NCOR1: variants seen among roughly 807,000 people sequenced by gnomAD.
NCOR1 encodes nuclear receptor corepressor 1.
In NCOR1, 63 loss-of-function variants were observed where a neutral mutation model predicts 288.1. The observed-to-expected ratio is 0.22, with a 90% CI of 0.18 to 0.27. The LOEUF is 0.27. Ranked by LOEUF, NCOR1 falls within the 10% of genes least tolerant of loss-of-function variation. The pLI is 1.00. For synonymous variants in NCOR1, 1,007 were observed against 1,065.9 expected (o/e 0.94, Z 1.08); for missense variants, 2,397 against 3,019.2 (o/e 0.79, Z 4.83).
At chr17:16,155,843 C>A (rs1341280283) in intron 6 of NCOR1, among the ~76,000 whole-genome samples, 1 of 152,122 alleles carries the variant, frequency 6.6e-6, no homozygotes, top group African/African-American at 2.4e-5. Context: ...GCAGGGAGGG[C>A]CTTTCAAAAG....
At chr17:16,206,724 GT>G (rs2091555401) in intron 1 of NCOR1, among the ~76,000 whole-genome samples, 1 of 152,074 alleles carries the variant, frequency 6.6e-6, no homozygotes, top group Non-Finnish European at 1.5e-5. Context: ...GGGATATTAA[GT>G]TGCTGTTAAT....
chr17:16,181,092 G>C, intron 3 of NCOR1, among the ~76,000 whole-genome samples: 1 of 152,226 alleles, frequency 6.6e-6, no homozygotes, highest in African/African-American at 2.4e-5. Context: ...CCAGGAGGTG[G>C]AGGTTGCAGT....
At chr17:16,204,419 A>C (rs1009876764) in intron 1 of NCOR1, among the ~76,000 whole-genome samples, 6 of 152,228 alleles carry the variant, frequency 3.9e-5, no homozygotes, top group Non-Finnish European at 7.3e-5. Context: ...ATTAAATTAC[A>C]ACCTGGGGAC....
intron 37 of NCOR1, among the ~76,000 whole-genome samples, chr17:16,059,100 A>G (rs1014381678): frequency 1.3e-5 from 2 of 151,860 alleles, no homozygotes; most frequent in Non-Finnish European, 2.9e-5. Flanking sequence ...GCCCAATAAT[A>G]AACACTGGAA....
At chr17:16,062,854 T>TA (rs2060687629) in intron 35 of NCOR1, among the ~76,000 whole-genome samples, 2 of 152,202 alleles carry the variant, frequency 1.3e-5, no homozygotes, top group African/African-American at 4.8e-5. Flanking sequence ...CTCCCACAAT[T>TA]ACACTTCTAC....
At position 16,039,048 on chromosome 17, in the gene NCOR1, C is replaced by T. The variant is rs143030771; in HGVS notation, c.6955+385G>A. On this transcript the variant is annotated intron_variant, in intron 44 of 45. Coordinates refer to ENST00000268712, the MANE Select transcript of NCOR1 (RefSeq NM_006311.4). ...CCCCCCAAAGTGCTGGGATTACAGG[C>T]GTGAACCACCGCACCCGGCTGGCTT... 8.4e-3 allele frequency among the ~76,000 whole-genome samples: 1,281 copies of T among 152,322 alleles called. 17 individuals carry two copies. The highest frequency in any genetic ancestry group is 0.029 in the African/African-American group (1,210 of 41,562).
At chr17:16,164,349 A>G (rs1385341284) in intron 5 of NCOR1, among the ~76,000 whole-genome samples, 1 of 152,142 alleles carries the variant, frequency 6.6e-6, no homozygotes, top group Non-Finnish European at 1.5e-5. Context: ...TTCTATACAC[A>G]TATCTGACAA....
intron 3 of NCOR1, among the ~76,000 whole-genome samples, chr17:16,182,541 G>A (rs1421249668): frequency 1.3e-5 from 2 of 152,048 alleles, no homozygotes; most frequent in African/African-American, 4.8e-5. Flanking sequence ...TGCAAGCTCC[G>A]CCTCCCGGGT....
At chr17:16,177,418 C>T (rs944670775) in intron 3 of NCOR1, among the ~76,000 whole-genome samples, 2 of 150,362 alleles carry the variant, frequency 1.3e-5, no homozygotes, top group African/African-American at 2.5e-5. Context: ...GGAATATATT[C>T]GCCTCATTTG....
rs1971805730 is a variant in NCOR1, at chr17:16,030,208, A to C, written c.*2088T>G. On this transcript the variant is annotated 3_prime_UTR_variant, in exon 46 of 46. Coordinates refer to ENST00000268712, the MANE Select transcript of NCOR1 (RefSeq NM_006311.4). ...AGAGAAAATATATTTACTATTCATT[A>C]AGTGGAAGTGGATCATCATGAAGGT... The C allele has an allele frequency of 4.4e-6, 1 of 226,390 alleles. No homozygotes were observed. Among genetic ancestry groups the C allele is most frequent in the Non-Finnish European group, 8.6e-6 (1 of 115,850 alleles). 14.0% of individuals were successfully genotyped at this position (226,390 alleles called of 1,614,324 possible). A position where few individuals can be genotyped will look rare whatever the true frequency, so the allele number is the denominator to read the frequency against.
At chr17:16,167,106 G>A (rs2082163055) in intron 4 of NCOR1, among the ~76,000 whole-genome samples, 1 of 152,166 alleles carries the variant, frequency 6.6e-6, no homozygotes, top group African/African-American at 2.4e-5. Flanking sequence ...AATAGCAAAA[G>A]AGATTATATT....
intron 10 of NCOR1, among the ~76,000 whole-genome samples, chr17:16,145,155 C>T (rs1184169169): frequency 6.6e-6 from 1 of 152,262 alleles, no homozygotes; most frequent in Admixed American, 6.5e-5. Flanking sequence ...CCCACCTTGG[C>T]CTCCCAAAGT....
intron 2 of NCOR1, among the ~76,000 whole-genome samples, chr17:16,188,890 T>C (rs1297650860): frequency 6.6e-6 from 1 of 151,690 alleles, no homozygotes; most frequent in African/African-American, 2.4e-5. Flanking sequence ...CCAGGCATGG[T>C]GGCAGGCACA....
At chr17:16,094,785 T>A (rs1004698310) in intron 21 of NCOR1, among the ~76,000 whole-genome samples, 1 of 152,242 alleles carries the variant, frequency 6.6e-6, no homozygotes, top group Admixed American at 6.5e-5. Flanking sequence ...TGGGCTGGTC[T>A]CCAGCTCCTA....
chr17:16,149,542 T>C lies in NCOR1; in HGVS notation c.843-25A>G, dbSNP rs200666623. On this transcript the variant is annotated intron_variant, in intron 8 of 45. Coordinates refer to ENST00000268712, the MANE Select transcript of NCOR1 (RefSeq NM_006311.4). ...TCTAGAAGAGAAAAATATGGTTGCATGACATTAAGAAAAAGCACAATTTAA... is the reference window on the plus strand; with the variant it reads ...TCTAGAAGAGAAAAATATGGTTGCACGACATTAAGAAAAAGCACAATTTAA... The C allele has an allele frequency of 2.1e-5, 26 of 1,259,430 alleles. No homozygotes were observed. The East Asian group carries it at 4.6e-4, about 22-fold the overall frequency. The allele number at this position is 1,259,430 out of a possible 1,614,324, so 78.0% of individuals were successfully genotyped here. A position where few individuals can be genotyped will look rare whatever the true frequency, so the allele number is the denominator to read the frequency against.
At chr17:16,054,326 A>G (rs1449274165) in intron 40 of NCOR1, among the ~76,000 whole-genome samples, 1 of 152,198 alleles carries the variant, frequency 6.6e-6, no homozygotes, top group Non-Finnish European at 1.5e-5. Flanking sequence ...TCTAATATCC[A>G]GCATGTATAA....
chr17:16,092,013 C>G lies in NCOR1; in HGVS notation c.2866G>C (p.Gly956Arg). The G allele has an allele frequency of 6.2e-7, 1 of 1,614,040 alleles. No individual in the cohort carries two copies. The highest frequency in any genetic ancestry group is 8.5e-7 in the Non-Finnish European group (1 of 1,179,996). ...CNIPIGTPVS[G>R]YALYQRHIKA... is the part of the protein sequence containing the mutation. ...ATGTGTCGCTGGTAGAGAGCATAGC[C>G]GCTCACTGGGGTTCCAATTGGTATG... Residue 956 changes from glycine to arginine, a missense_variant, in exon 22 of 46, where the codon GGC becomes CGC. By Grantham distance (125) the Gly-to-Arg change is moderately radical. Around this residue, in one of 11 missense-constraint regions of NCOR1, gnomAD observed 1,872 missense variants for 2,187.8 expected, o/e 0.86. Transcript: ENST00000268712.
chr17:16,075,763 T>C, intron 26 of NCOR1, 61 bp from the exon 27 acceptor site: 1 of 1,582,788 alleles, frequency 6.3e-7, no homozygotes, highest in Non-Finnish European at 8.6e-7. Context: ...AAACACAAGA[T>C]GCTCAGAAAA....
At chr17:16,177,947 C>T (rs779347770) in intron 3 of NCOR1, among the ~76,000 whole-genome samples, 10 of 152,126 alleles carry the variant, frequency 6.6e-5, no homozygotes, top group African/African-American at 1.7e-4. Context: ...CAGTGGCTCA[C>T]GCCTGTAATC....
Sources: gnomAD v4.1 joint callset for allele counts (sites outside exome capture counted in the v4.1 genomes callset) on GRCh38, gnomAD v4.1.1 for gene constraint, gnomAD v4.1.1 regional missense constraint, MANE v1.5 for transcripts, NCBI Gene and HGNC (gene_info 2026-07-23, HGNC 2026-07-21) for gene names.